INTS4: variants seen among roughly 807,000 people sequenced by gnomAD.
INTS4 encodes the protein integrator complex subunit 4, also known as MSTP093.
INTS4 carries 70 observed loss-of-function variants against 119.5 expected under a neutral mutation model. The ratio of observed to expected loss-of-function variants is 0.59; its 90% CI spans 0.48 to 0.71. The LOEUF (loss-of-function observed/expected upper bound fraction) is 0.71. Among genes scored for constraint, INTS4 ranks in the 30% least tolerant of loss-of-function variants. INTS4 has a pLI of 0.00. For missense variants in INTS4, 867 were observed against 1,173.2 expected, an observed-to-expected ratio of 0.74 and a Z score of 3.81; for synonymous variants, 316 against 419.6, an observed-to-expected ratio of 0.75 and a Z score of 3.02.
Position 77,961,154 on chromosome 11 carries a change from AAAAAAAGAAAAAAAG to A in INTS4, c.472-31_472-17del. The A allele has an allele frequency of 1.3e-6, 2 of 1,537,676 alleles. No individual in the cohort carries two copies. Among genetic ancestry groups the A allele is most frequent in the Non-Finnish European group, 1.7e-6 (2 of 1,151,026 alleles). On this transcript the variant is annotated splice_polypyrimidine_tract_variant and intron_variant, in intron 4 of 22. Transcript: ENST00000534064. ...CTGTCAGATGCTATTAAAAAAAAAA[AAAAAAAGAAAAAAAG>A]AAAAAGAAAAAAAGGACATGATTAA...
At position 77,913,307 on chromosome 11, in the gene INTS4, A is replaced by ATT. The variant is rs565622764; in HGVS notation, c.1923-5499_1923-5498dup. ...ATGTTAAATAAGCCAGTTAGTTTAA[A>ATT]TTTTTTTTTTTTTTTTTTTTTTGAG... On this transcript the variant is annotated intron_variant, in intron 15 of 22. Coordinates refer to ENST00000534064, the MANE Select transcript of INTS4 (RefSeq NM_033547.4). Among the ~76,000 whole-genome samples, 446 of 122,734 alleles carry ATT rather than the reference A, an allele frequency of 3.6e-3. 3 individuals are homozygous for ATT. The highest frequency in any genetic ancestry group is 4.7e-3 in the Non-Finnish European group (282 of 60,016). 80.5% of individuals were successfully genotyped at this position (122,734 alleles called of 152,430 possible).
intron 10 of INTS4, among the ~76,000 whole-genome samples, chr11:77,933,362 G>A (rs1953705301): frequency 6.7e-6 from 1 of 149,706 alleles, no homozygotes; most frequent in East Asian, 2.0e-4. Flanking sequence ...GCCTGGGATT[G>A]CAGGCGCGCG....
intron 15 of INTS4, chr11:77,918,247 C>G: frequency 1.6e-6 from 1 of 625,862 alleles, no homozygotes; most frequent in South Asian, 1.6e-5. Context: ...GCCTGGCCAC[C>G]ATGGTGAAAC....
chr11:77,956,432 C>T (rs542940064), intron 7 of INTS4, among the ~76,000 whole-genome samples: 11 of 151,830 alleles, frequency 7.2e-5, no homozygotes, highest in African/African-American at 1.2e-4. Context: ...ACAGTCTGGG[C>T]GCAATGGCTC....
chr11:77,969,411 C>T (rs1023035939), intron 4 of INTS4, among the ~76,000 whole-genome samples: 2 of 152,106 alleles, frequency 1.3e-5, no homozygotes, highest in Admixed American at 6.6e-5. Flanking sequence ...GACAGGGCCT[C>T]GCTCTGTCGC....
At position 77,960,991 on chromosome 11, in the gene INTS4, G is replaced by T; in HGVS notation, c.619C>A (p.Gln207Lys). 1 of 1,613,060 alleles carries T rather than the reference G, an allele frequency of 6.2e-7. No individual in the cohort carries two copies. Among genetic ancestry groups the T allele is most frequent in the Non-Finnish European group, 8.5e-7 (1 of 1,179,592 alleles). ...GCTGCTGTTCTGACACGTGGGTCTT[G>T]GTCACTGAAGTAATCCCCTATAATC... The part of the protein sequence containing the change: ...QKIIGDYFSD[Q>K]DPRVRTAAIK... The change falls in exon 5 of 23, where the codon CAA (glutamine) becomes AAA (lysine). Residue 207 changes from glutamine to lysine, a missense_variant. Coordinates refer to ENST00000534064, the MANE Select transcript of INTS4 (RefSeq NM_033547.4).
chr11:77,909,775 G>C (rs1219410492), intron 15 of INTS4, among the ~76,000 whole-genome samples: 1 of 152,220 alleles, frequency 6.6e-6, no homozygotes, highest in Admixed American at 6.5e-5. Flanking sequence ...AAATAGTTGT[G>C]CTAGAATTAT....
chr11:77,949,326 A>T (rs1251901616), intron 8 of INTS4, among the ~76,000 whole-genome samples: 1 of 152,182 alleles, frequency 6.6e-6, no homozygotes, highest in Non-Finnish European at 1.5e-5. Context: ...CTTCATGACT[A>T]AAACACCAAA....
intron 17 of INTS4, 71 bp downstream of exon 17, chr11:77,903,469 T>A: frequency 6.2e-7 from 1 of 1,601,308 alleles, no homozygotes; most frequent in Non-Finnish European, 8.5e-7. Context: ...TAGGAAGGCC[T>A]CTGGCTCTGT....
chr11:77,948,265 A>G (rs1274449226), intron 8 of INTS4, among the ~76,000 whole-genome samples: 1 of 152,254 alleles, frequency 6.6e-6, no homozygotes, highest in Non-Finnish European at 1.5e-5. Context: ...GGTAAACAAC[A>G]AGAAAGGAAG....
Position 77,900,256 on chromosome 11 carries a change from T to C in INTS4, c.2228+1165A>G, listed in dbSNP as rs550102907. Among the ~76,000 whole-genome samples, 804 of 152,138 alleles carry C rather than the reference T, an allele frequency of 5.3e-3. 3 individuals carry two copies. Among genetic ancestry groups the C allele is most frequent in the Middle Eastern group, 0.017 (5 of 294 alleles). On this transcript the variant is annotated intron_variant, in intron 18 of 22. Coordinates refer to ENST00000534064, the MANE Select transcript of INTS4 (RefSeq NM_033547.4). ...CTGGGACTACTGGTGCATGCCACCA[T>C]GCCCGGCTAATTTTATGTATTTTTA... is the stretch of plus-strand genomic sequence containing the variant.
rs35194381 is a variant in INTS4 at position 77,981,190 on chromosome 11, C to CAAAAAAAAAAAAAAAAAAA, written c.364+250_364+268dup. Among the ~76,000 whole-genome samples, 4 of 88,838 alleles carry CAAAAAAAAAAAAAAAAAAA rather than the reference C, an allele frequency of 4.5e-5. 1 individual carries two copies. The highest frequency in any genetic ancestry group is 1.7e-4 in the African/African-American group (4 of 24,084). 58.3% of individuals were successfully genotyped at this position (88,838 alleles called of 152,430 possible). ...TGCCTCAAAACAAAAAACAAACAAG[C>CAAAAAAAAAAAAAAAAAAA]AAAAAAAAAAAAAAAAAAAGGGACA... On this transcript the variant is annotated intron_variant, in intron 3 of 22. Transcript: ENST00000534064.
chr11:77,908,858 T>C (rs1206888594), intron 15 of INTS4, among the ~76,000 whole-genome samples: 2 of 152,172 alleles, frequency 1.3e-5, no homozygotes, highest in African/African-American at 4.8e-5. Context: ...AAAGGTATTA[T>C]GGTAGACACT....
intron 4 of INTS4, among the ~76,000 whole-genome samples, chr11:77,974,178 T>G (rs7101610): frequency 6.6e-6 from 1 of 150,402 alleles, no homozygotes; most frequent in African/African-American, 2.5e-5. Context: ...GTTTTTGTCT[T>G]TCTAATAATT....
At chr11:77,985,057 C>T (rs1856401977) in intron 2 of INTS4, among the ~76,000 whole-genome samples, 1 of 152,158 alleles carries the variant, frequency 6.6e-6, no homozygotes, top group African/African-American at 2.4e-5. Context: ...CTCCTTCACA[C>T]CTGAGCTAAA....
In INTS4 at chr11:77,938,723, T is replaced by C; in HGVS notation, c.1093A>G (p.Thr365Ala). Reference protein sequence around the residue: ...GDDAPKEEVDTGAVNLIESGA... With the variant: ...GDDAPKEEVDAGAVNLIESGA... Reference sequence around the variant, plus strand: ...GACTCAATCAAGTTCACAGCCCCGGTATCTACTTCTTCCTTGGGAGCATCA... The same window carrying C: ...GACTCAATCAAGTTCACAGCCCCGGCATCTACTTCTTCCTTGGGAGCATCA... Residue 365 changes from threonine (T) to alanine (A), a missense_variant, in exon 10 of 23, where the codon ACC becomes GCC. By Grantham distance (58) the Thr-to-Ala change is moderately conservative. This residue lies in a region of INTS4 where 208 missense variants were observed against 306.6 expected (regional missense o/e 0.68). Transcript: ENST00000534064. 1 of 1,612,034 alleles carries C rather than the reference T, an allele frequency of 6.2e-7. No homozygotes were observed. The highest frequency in any genetic ancestry group is 1.1e-5 in the South Asian group (1 of 90,994).
In INTS4 at chr11:77,878,846, C is replaced by G; in HGVS notation, c.*103G>C. 1 of 846,168 alleles carries G rather than the reference C, an allele frequency of 1.2e-6. No individual in the cohort carries two copies. The highest frequency in any genetic ancestry group is 2.4e-5 in the East Asian group (1 of 41,402). 52.4% of individuals were successfully genotyped at this position (846,168 alleles called of 1,614,324 possible). On this transcript the variant is annotated 3_prime_UTR_variant, in exon 23 of 23. Transcript: ENST00000534064. ...GATGAGACTGTAAGGGTCACATACTCCTTAAGCCTACACATCAATTCCAGG... is the reference window on the plus strand; with the variant it reads ...GATGAGACTGTAAGGGTCACATACTGCTTAAGCCTACACATCAATTCCAGG...
At chr11:77,900,175 C>G (rs1376283534) in intron 18 of INTS4, among the ~76,000 whole-genome samples, 1 of 151,950 alleles carries the variant, frequency 6.6e-6, no homozygotes, top group East Asian at 1.9e-4. Flanking sequence ...TTTCGGCCCA[C>G]TGCAACCTCC....
intron 18 of INTS4, among the ~76,000 whole-genome samples, chr11:77,895,262 A>C (rs888259836): frequency 6.6e-6 from 1 of 152,130 alleles, no homozygotes; most frequent in Non-Finnish European, 1.5e-5. Flanking sequence ...TTTCTTTAAT[A>C]TATTATTCAT....
Sources: gnomAD v4.1 joint callset for allele counts (sites outside exome capture counted in the v4.1 genomes callset) on GRCh38, gnomAD v4.1.1 for gene constraint, gnomAD v4.1.1 regional missense constraint, MANE v1.5 for transcripts, NCBI Gene and HGNC (gene_info 2026-07-23, HGNC 2026-07-21) for gene names.